Variants in NRXN3 observed in about 807,000 individuals in gnomAD.
NRXN3 encodes neurexin 3, also known as neurexin III.
In NRXN3, 32 loss-of-function variants were observed where a neutral mutation model predicts 137.6. The ratio of observed to expected loss-of-function variants is 0.23; its 90% CI spans 0.18 to 0.31. The LOEUF (loss-of-function observed/expected upper bound fraction) is 0.31. Among genes scored for constraint, NRXN3 ranks in the 10% least tolerant of loss-of-function variants. NRXN3 has a pLI of 1.00. For synonymous variants in NRXN3, 798 were observed against 784.5 expected (o/e 1.02, Z -0.29); for missense variants, 1,574 against 2,062.5 (o/e 0.76, Z 4.59).
chr14:78,811,478 T>G (rs1200788434), intron 10 of NRXN3, among the ~76,000 whole-genome samples: 1 of 152,170 alleles, frequency 6.6e-6, no homozygotes, highest in East Asian at 1.9e-4. Flanking sequence ...CATGACTCCA[T>G]CCTACATGCA....
At chr14:78,257,849 T>C (rs1340454622) in intron 2 of NRXN3, among the ~76,000 whole-genome samples, 1 of 152,104 alleles carries the variant, frequency 6.6e-6, no homozygotes, top group Non-Finnish European at 1.5e-5. Context: ...GTTTGTACAA[T>C]GGATTGATGA....
At chr14:78,673,501 T>G (rs2097959548) in intron 6 of NRXN3, among the ~76,000 whole-genome samples, 1 of 152,100 alleles carries the variant, frequency 6.6e-6, no homozygotes, top group South Asian at 2.1e-4. Flanking sequence ...AAGTTTGGGG[T>G]GTGGGTACGA....
intron 8 of NRXN3, among the ~76,000 whole-genome samples, chr14:78,760,927 A>G (rs990432174): frequency 6.6e-6 from 1 of 152,172 alleles, no homozygotes; most frequent in Non-Finnish European, 1.5e-5. Context: ...GATTATTGAC[A>G]TCTGTTTCTT....
intron 10 of NRXN3, among the ~76,000 whole-genome samples, chr14:78,900,145 T>G (rs1353744074): frequency 6.6e-6 from 1 of 152,064 alleles, no homozygotes; most frequent in Non-Finnish European, 1.5e-5. Context: ...CCATTTTTAG[T>G]TCTACAAATG....
At chr14:78,635,652 C>T (rs561369551) in intron 4 of NRXN3, among the ~76,000 whole-genome samples, 5 of 152,308 alleles carry the variant, frequency 3.3e-5, no homozygotes, top group African/African-American at 1.2e-4. Flanking sequence ...TGTAGTGTGA[C>T]AGCATGGCAT....
At chr14:79,549,753 A>C (rs2097355735) in intron 16 of NRXN3, among the ~76,000 whole-genome samples, 1 of 152,074 alleles carries the variant, frequency 6.6e-6, no homozygotes, top group Non-Finnish European at 1.5e-5. Flanking sequence ...ATTACTAACA[A>C]AAGTGGTATG....
At chr14:79,595,510 C>T (rs2097850903) in intron 16 of NRXN3, among the ~76,000 whole-genome samples, 1 of 152,006 alleles carries the variant, frequency 6.6e-6, no homozygotes, top group South Asian at 2.1e-4. Flanking sequence ...ATTCTTATTT[C>T]AGTATAATTT....
chr14:78,225,987 GTGTGTGTGTGT>G (rs2064587482), intron 1 of NRXN3, among the ~76,000 whole-genome samples: 2 of 142,334 alleles, frequency 1.4e-5, no homozygotes, highest in Non-Finnish European at 1.5e-5. Flanking sequence ...GTGTGTGTGT[GTGTGTGTGTGT>G]GTGTGTGTGT....
chr14:79,157,112 T>C (rs1174206800), intron 15 of NRXN3, among the ~76,000 whole-genome samples: 4 of 151,846 alleles, frequency 2.6e-5, no homozygotes, highest in Non-Finnish European at 5.9e-5. Context: ...GTTATTGTTG[T>C]TGCTTTGTCC....
At chr14:78,691,853 T>C (rs926884887) in intron 6 of NRXN3, among the ~76,000 whole-genome samples, 1 of 152,000 alleles carries the variant, frequency 6.6e-6, no homozygotes, top group Non-Finnish European at 1.5e-5. Flanking sequence ...CAGAAGAGAG[T>C]TGACTCATTA....
rs150574952 is a variant in NRXN3, at chr14:78,662,502, C to G, written c.1221+11176C>G. On this transcript the variant is annotated intron_variant, in intron 6 of 20. Transcript: ENST00000335750. Reference sequence around the variant, plus strand: ...TTCAGTAAGAGCTGTCCAAAACTGCCTTCAAAGTAATGAGTTCTCCAACAC... The same window carrying G: ...TTCAGTAAGAGCTGTCCAAAACTGCGTTCAAAGTAATGAGTTCTCCAACAC... Among the ~76,000 whole-genome samples, 37 of 152,150 alleles carry G rather than the reference C, an allele frequency of 2.4e-4. No homozygotes were observed. In the South Asian group the frequency reaches 7.5e-3, roughly 31 times the overall value.
intron 1 of NRXN3, among the ~76,000 whole-genome samples, chr14:78,182,010 T>C (rs2059846596): frequency 6.6e-6 from 1 of 151,570 alleles, no homozygotes; most frequent in South Asian, 2.1e-4. Flanking sequence ...GGGCAAGCGG[T>C]AGACAACACA....
chr14:79,706,966 C>T (rs984697522), intron 19 of NRXN3, among the ~76,000 whole-genome samples: 5 of 152,068 alleles, frequency 3.3e-5, no homozygotes, highest in African/African-American at 7.2e-5. Context: ...TATTCTCATT[C>T]GTTTGTCGCC....
At chr14:79,227,786 C>CTT (rs1568684633) in intron 15 of NRXN3, among the ~76,000 whole-genome samples, 35 of 84,138 alleles carry the variant, frequency 4.2e-4, no homozygotes, top group African/African-American at 1.1e-3. Context: ...TCCTTCCTTC[C>CTT]CTCCTCCCTT....
At chr14:78,522,188 T>A (rs1177520230) in intron 4 of NRXN3, among the ~76,000 whole-genome samples, 1 of 152,212 alleles carries the variant, frequency 6.6e-6, no homozygotes, top group Non-Finnish European at 1.5e-5. Context: ...TAAGTTACTA[T>A]GCTTTTTTAC....
chr14:79,329,423 G>A (rs1261950656), intron 15 of NRXN3, among the ~76,000 whole-genome samples: 1 of 152,158 alleles, frequency 6.6e-6, no homozygotes, highest in Non-Finnish European at 1.5e-5. Context: ...ATTAAACCAA[G>A]AGCAGGTGGT....
chr14:78,968,075 A>G, intron 13 of NRXN3, 98 bp from the exon 14 acceptor site: 1 of 129,144 alleles, frequency 7.7e-6, no homozygotes, highest in Non-Finnish European at 1.4e-5. Flanking sequence ...CAGCTATCTT[A>G]TTCCTTATCT....
chr14:79,066,139 T>G (rs1412011672), intron 15 of NRXN3, among the ~76,000 whole-genome samples: 1 of 152,088 alleles, frequency 6.6e-6, no homozygotes, highest in Non-Finnish European at 1.5e-5. Flanking sequence ...TTTACATTTT[T>G]TAACCCATCT....
At chr14:78,628,994 C>G (rs1423866753) in intron 4 of NRXN3, among the ~76,000 whole-genome samples, 1 of 152,184 alleles carries the variant, frequency 6.6e-6, no homozygotes, top group African/African-American at 2.4e-5. Flanking sequence ...AATCTCAGCT[C>G]CCCTCCTTGA....
Sources: gnomAD v4.1 joint callset for allele counts (sites outside exome capture counted in the v4.1 genomes callset) on GRCh38, gnomAD v4.1.1 for gene constraint, MANE v1.5 for transcripts, NCBI Gene and HGNC (gene_info 2026-07-23, HGNC 2026-07-21) for gene names.